DIAPH3: variants seen among roughly 807,000 people sequenced by gnomAD.
DIAPH3 encodes the protein protein diaphanous homolog 3.
In DIAPH3, 117 loss-of-function variants were observed where a neutral mutation model predicts 144.3. That is an observed-to-expected ratio of 0.81 (90% CI 0.70 to 0.95). DIAPH3 has a LOEUF of 0.95. Ranked by LOEUF, DIAPH3 falls within the 40% of genes least tolerant of loss-of-function variation. The probability of loss-of-function intolerance (pLI) is 0.00; values close to 1 mark genes in which losing one functional copy is unlikely to be tolerated. For synonymous variants in DIAPH3, 519 were observed against 488.9 expected (o/e 1.06, Z -0.81); for missense variants, 1,421 against 1,412.7 (o/e 1.01, Z -0.09).
At chr13:59,786,092 G>C (rs558950186) in intron 25 of DIAPH3, among the ~76,000 whole-genome samples, 1 of 152,114 alleles carries the variant, frequency 6.6e-6, no homozygotes, top group South Asian at 2.1e-4. Context: ...CTATAGCCTG[G>C]GTGACATAGC....
chr13:60,128,176 C>T (rs976497273), intron 2 of DIAPH3, among the ~76,000 whole-genome samples: 2 of 152,028 alleles, frequency 1.3e-5, no homozygotes, highest in Non-Finnish European at 2.9e-5. Context: ...TTTTCTGTTC[C>T]TGTGTTAGTT....
intron 2 of DIAPH3, among the ~76,000 whole-genome samples, chr13:60,122,407 T>A (rs1280551984): frequency 6.6e-6 from 1 of 152,218 alleles, no homozygotes; most frequent in Non-Finnish European, 1.5e-5. Context: ...CATCATATAA[T>A]ATGTATACAA....
intron 21 of DIAPH3, among the ~76,000 whole-genome samples, chr13:59,866,119 G>A (rs906705689): frequency 1.3e-5 from 2 of 151,892 alleles, no homozygotes; most frequent in African/African-American, 4.8e-5. Flanking sequence ...AATACAACCT[G>A]TGAATAATAT....
rs766969544 is a variant in DIAPH3, at chr13:60,008,584, C to CA, written c.973dup (p.Cys325LeufsTer29). 13 of 1,613,356 alleles carry CA rather than the reference C, an allele frequency of 8.1e-6. No individual in the cohort carries two copies. The highest frequency in any genetic ancestry group is 4.5e-5 in the East Asian group (2 of 44,826). ...ATTGTGCCGGAGGCCTTCCACAATA[C>CA]AAAAAAATCTGTCAATTTTTTTTTC... On this transcript the variant is annotated frameshift_variant, in exon 9 of 28. Coordinates refer to ENST00000400324, the MANE Select transcript of DIAPH3 (RefSeq NM_001042517.2). LOFTEE classifies it high-confidence loss of function.
intron 1 of DIAPH3, among the ~76,000 whole-genome samples, chr13:60,137,043 A>T (rs1207907642): frequency 1.3e-5 from 2 of 152,196 alleles, no homozygotes; most frequent in Non-Finnish European, 2.9e-5. Flanking sequence ...TCCTAAGCTA[A>T]AAACTCATCC....
chr13:60,094,364 G>A (rs73218527), intron 3 of DIAPH3, among the ~76,000 whole-genome samples: 1 of 152,096 alleles, frequency 6.6e-6, no homozygotes, highest in Non-Finnish European at 1.5e-5. Context: ...CAAAATAAGG[G>A]TTTAAGTAAC....
chr13:59,817,330 C>A (rs145302508), intron 24 of DIAPH3, among the ~76,000 whole-genome samples: 7 of 151,696 alleles, frequency 4.6e-5, no homozygotes, highest in African/African-American at 1.7e-4. Context: ...GTCAACTTAT[C>A]GATATAGTTT....
intron 22 of DIAPH3, among the ~76,000 whole-genome samples, chr13:59,846,732 A>T (rs1455773920): frequency 6.6e-6 from 1 of 152,200 alleles, no homozygotes; most frequent in Non-Finnish European, 1.5e-5. Context: ...AAAAAAAATC[A>T]AAGTAAAAAT....
At chr13:60,157,681 T>G (rs1952096082) in intron 1 of DIAPH3, among the ~76,000 whole-genome samples, 1 of 152,248 alleles carries the variant, frequency 6.6e-6, no homozygotes, top group Non-Finnish European at 1.5e-5. Context: ...TCCTGAACAT[T>G]GTGAATGTAT....
At chr13:59,677,225 C>T (rs2032691118) in intron 27 of DIAPH3, among the ~76,000 whole-genome samples, 1 of 151,890 alleles carries the variant, frequency 6.6e-6, no homozygotes, top group African/African-American at 2.4e-5. Flanking sequence ...AAAAAGGGAA[C>T]ACTTTGGAGT....
At chr13:60,003,628 C>T (rs1236152405) in intron 9 of DIAPH3, among the ~76,000 whole-genome samples, 1 of 151,660 alleles carries the variant, frequency 6.6e-6, no homozygotes, top group Non-Finnish European at 1.5e-5. Flanking sequence ...GGCTGGAGTG[C>T]AGTGGCGCGA....
intron 27 of DIAPH3, among the ~76,000 whole-genome samples, chr13:59,673,803 G>A (rs2032502004): frequency 6.6e-6 from 1 of 152,182 alleles, no homozygotes; most frequent in Non-Finnish European, 1.5e-5. Flanking sequence ...TTTCTGGTTG[G>A]TAATCCTCTG....
intron 3 of DIAPH3, among the ~76,000 whole-genome samples, chr13:60,098,272 T>C (rs1311013192): frequency 6.6e-6 from 1 of 152,064 alleles, no homozygotes; most frequent in Non-Finnish European, 1.5e-5. Flanking sequence ...AAAAAAGACA[T>C]ACTAAAGGTG....
At chr13:59,847,887 C>T (rs996914926) in intron 22 of DIAPH3, among the ~76,000 whole-genome samples, 1 of 152,182 alleles carries the variant, frequency 6.6e-6, no homozygotes, top group Admixed American at 6.5e-5. Context: ...CCTATTTGGA[C>T]ATGTTTCCTT....
chr13:59,988,797 C>A (rs339528), intron 12 of DIAPH3, among the ~76,000 whole-genome samples: 6 of 151,488 alleles, frequency 4.0e-5, no homozygotes, highest in African/African-American at 1.5e-4. Context: ...ATTTAACTAG[C>A]GTGGTATTTT....
At chr13:59,872,842 T>A (rs373119960) in intron 21 of DIAPH3, among the ~76,000 whole-genome samples, 1 of 152,196 alleles carries the variant, frequency 6.6e-6, no homozygotes, top group Admixed American at 6.5e-5. Context: ...GGTAGTTTGA[T>A]AGAGAAGCTA....
At chr13:60,028,593 T>G (rs1055381618) in intron 5 of DIAPH3, among the ~76,000 whole-genome samples, 1 of 152,130 alleles carries the variant, frequency 6.6e-6, no homozygotes, top group Non-Finnish European at 1.5e-5. Context: ...ACCGCTCACC[T>G]GTATCTTTAG....
At chr13:59,772,168 C>A (rs2038157624) in intron 27 of DIAPH3, among the ~76,000 whole-genome samples, 1 of 151,948 alleles carries the variant, frequency 6.6e-6, no homozygotes, top group Non-Finnish European at 1.5e-5. Flanking sequence ...TTCCAATGAA[C>A]TCCAAAATGT....
intron 24 of DIAPH3, among the ~76,000 whole-genome samples, chr13:59,812,202 GA>G (rs537709307): frequency 2.1e-4 from 32 of 151,900 alleles, no homozygotes; most frequent in Admixed American, 4.6e-4. Flanking sequence ...ACAACAAAAA[GA>G]AACAAAAAGC....
Sources: allele counts gnomAD v4.1 joint callset (sites outside exome capture counted in the v4.1 genomes callset), GRCh38; gene constraint gnomAD v4.1.1; transcripts MANE v1.5; gene names NCBI Gene and HGNC (gene_info 2026-07-23, HGNC 2026-07-21).